Variants in OTUD7A observed in about 807,000 individuals in gnomAD.
The protein encoded by OTUD7A is OTU domain-containing protein 7A.
In OTUD7A, 12 loss-of-function variants were observed where a neutral mutation model predicts 65.7. That is an observed-to-expected ratio of 0.18 (90% CI 0.12 to 0.30). The LOEUF is 0.30. OTUD7A is among the 10% of genes least tolerant of loss of function. The pLI, the probability that OTUD7A is intolerant of heterozygous loss-of-function variation, is 1.00. For missense variants in OTUD7A, 1,148 were observed against 1,304.8 expected, an observed-to-expected ratio of 0.88 and a Z score of 1.85; for synonymous variants, 641 against 586.3, an observed-to-expected ratio of 1.09 and a Z score of -1.35.
chr15:31,824,020 AG>A (rs1484493236), intron 1 of OTUD7A, among the ~76,000 whole-genome samples: 1 of 152,204 alleles, frequency 6.6e-6, no homozygotes, highest in Non-Finnish European at 1.5e-5. Flanking sequence ...ACAATCTTAC[AG>A]GCTGGTTAGG....
At chr15:31,507,634 TG>T (rs60691059) in intron 8 of OTUD7A, among the ~76,000 whole-genome samples, 1 of 69,418 alleles carries the variant, frequency 1.4e-5, no homozygotes, top group African/African-American at 6.8e-5. Context: ...CGCTGCTGGC[TG>T]GGGGGCGGGG....
Position 31,483,077 on chromosome 15 carries a change from A to C in OTUD7A, c.*217T>G. 3.8e-6 allele frequency: 1 copy of C among 265,504 alleles called. No homozygotes were observed. The highest frequency in any genetic ancestry group is 6.0e-6 in the Non-Finnish European group (1 of 166,886). The allele number at this position is 265,504 out of a possible 1,614,324, so 16.4% of individuals were successfully genotyped here. On this transcript the variant is annotated 3_prime_UTR_variant, in exon 13 of 13. Coordinates refer to ENST00000307050, the MANE Select transcript of OTUD7A (RefSeq NM_001382637.1). ...AGGCAGATGCTAGGCTAGCACACCC[A>C]CTTCCAACAGTATGACTTGTTTCCT...
intron 1 of OTUD7A, among the ~76,000 whole-genome samples, chr15:31,746,003 T>C (rs1413666384): frequency 6.6e-6 from 1 of 152,110 alleles, no homozygotes; most frequent in African/African-American, 2.4e-5. Context: ...TGATACCCAC[T>C]AGAATGGCTA....
At position 31,801,875 on chromosome 15, in the gene OTUD7A, T is replaced by C. The variant is rs1896133962; in HGVS notation, c.-100+68632A>G. On this transcript the variant is annotated intron_variant, in intron 1 of 12. Transcript: ENST00000307050. ...TTTATTTATATATTTTTATATAGAC[T>C]GATCCAAAGAACCATCATTCACACA... 2.6e-5 allele frequency among the ~76,000 whole-genome samples: 4 copies of C among 152,234 alleles called. No individual in the cohort carries two copies. The East Asian group carries it at 7.7e-4, about 29-fold the overall frequency.
chr15:31,577,125 T>C (rs1021914535), intron 3 of OTUD7A, among the ~76,000 whole-genome samples: 2 of 152,204 alleles, frequency 1.3e-5, no homozygotes, highest in African/African-American at 4.8e-5. Context: ...TATATTTCTT[T>C]GAAATATTTT....
chr15:31,510,507 CAT>C (rs200849637), intron 8 of OTUD7A, among the ~76,000 whole-genome samples: 2 of 138,780 alleles, frequency 1.4e-5, no homozygotes, highest in South Asian at 2.4e-4. Context: ...ATGTAACATA[CAT>C]ATATATGTAT....
At chr15:31,692,800 G>C (rs1330295787) in intron 1 of OTUD7A, among the ~76,000 whole-genome samples, 1 of 150,976 alleles carries the variant, frequency 6.6e-6, no homozygotes, top group Non-Finnish European at 1.5e-5. Context: ...TGACCCAGGG[G>C]TCCTGTCTCC....
intron 10 of OTUD7A, among the ~76,000 whole-genome samples, chr15:31,489,473 C>T (rs1313970993): frequency 6.6e-6 from 1 of 152,138 alleles, no homozygotes; most frequent in Non-Finnish European, 1.5e-5. Context: ...TCAGCCCAGC[C>T]ACCACTCCAT....
chr15:31,650,044 T>C (rs868601996), intron 3 of OTUD7A, among the ~76,000 whole-genome samples: 1,515 of 110,092 alleles, frequency 0.014, 65 homozygotes, highest in African/African-American at 0.078. Flanking sequence ...TTATCCTTTT[T>C]TTTTTTCTTT....
chr15:31,635,917 C>G (rs1364119713), intron 3 of OTUD7A, among the ~76,000 whole-genome samples: 1 of 152,216 alleles, frequency 6.6e-6, no homozygotes, highest in East Asian at 1.9e-4. Context: ...AGCTGGTCTC[C>G]GGCAGCATGA....
At chr15:31,814,118 A>G (rs1386537982) in intron 1 of OTUD7A, among the ~76,000 whole-genome samples, 1 of 152,256 alleles carries the variant, frequency 6.6e-6, no homozygotes, top group Non-Finnish European at 1.5e-5. Context: ...TTTCTCACGC[A>G]TGCTAATTAT....
At chr15:31,499,222 C>T (rs948029714) in intron 10 of OTUD7A, among the ~76,000 whole-genome samples, 2 of 152,118 alleles carry the variant, frequency 1.3e-5, no homozygotes, top group Non-Finnish European at 2.9e-5. Context: ...AGCATCGTTC[C>T]GCAGGCACAA....
chr15:31,839,952 A>G (rs375191164), intron 1 of OTUD7A, among the ~76,000 whole-genome samples: 2 of 1,808 alleles, frequency 1.1e-3, no homozygotes, highest in Non-Finnish European at 3.1e-3. Context: ...CTTTAAAAAA[A>G]CTTTTTTTTG....
At chr15:31,857,573 A>C (rs1291126122) in intron 1 of OTUD7A, among the ~76,000 whole-genome samples, 2 of 151,872 alleles carry the variant, frequency 1.3e-5, no homozygotes, top group South Asian at 4.2e-4. Flanking sequence ...GATAGAGTAA[A>C]TGCAAGCCAC....
chr15:31,784,986 G>A (rs1441192043), intron 1 of OTUD7A, among the ~76,000 whole-genome samples: 5 of 152,090 alleles, frequency 3.3e-5, no homozygotes, highest in African/African-American at 4.8e-5. Context: ...TCTCTTAAAC[G>A]CGGGCATACA....
chr15:31,827,014 C>T (rs953056748), intron 1 of OTUD7A, among the ~76,000 whole-genome samples: 3 of 152,220 alleles, frequency 2.0e-5, no homozygotes, highest in Non-Finnish European at 4.4e-5. Context: ...CCAAACTTCC[C>T]CACATTTTCC....
chr15:31,591,717 TCACA>T (rs906812466), intron 3 of OTUD7A, among the ~76,000 whole-genome samples: 4 of 152,174 alleles, frequency 2.6e-5, no homozygotes, highest in African/African-American at 9.7e-5. Context: ...ACATGCACAC[TCACA>T]CACAAACATG....
chr15:31,634,087 G>C (rs1250712633), intron 3 of OTUD7A, among the ~76,000 whole-genome samples: 1 of 152,158 alleles, frequency 6.6e-6, no homozygotes, highest in Non-Finnish European at 1.5e-5. Flanking sequence ...GTGTCTAAGA[G>C]GGTAAACAAG....
intron 1 of OTUD7A, among the ~76,000 whole-genome samples, chr15:31,812,726 G>C (rs1011151138): frequency 2.6e-5 from 4 of 152,106 alleles, no homozygotes; most frequent in African/African-American, 9.7e-5. Context: ...GTCTCAAATA[G>C]TGTCACCCTT....
Sources: gnomAD v4.1 joint callset for allele counts (sites outside exome capture counted in the v4.1 genomes callset) on GRCh38, gnomAD v4.1.1 for gene constraint, MANE v1.5 for transcripts, NCBI Gene and HGNC (gene_info 2026-07-23, HGNC 2026-07-21) for gene names.